Variants in ADK observed in about 807,000 individuals in gnomAD.
ADK encodes the protein adenosine kinase.
A neutral mutation model predicts 44.7 loss-of-function variants in ADK; 24 were observed. The observed-to-expected ratio is 0.54, with a 90% CI of 0.39 to 0.76. The LOEUF is 0.76. Ranked by LOEUF, ADK falls within the 30% of genes least tolerant of loss-of-function variation. The pLI is 0.00. For missense variants in ADK, 321 were observed against 425.1 expected (o/e 0.76, Z 2.15); for synonymous variants, 128 against 142.6 (o/e 0.90, Z 0.73).
At chr10:74,604,181 T>C (rs1852237279) in intron 9 of ADK, among the ~76,000 whole-genome samples, 1 of 152,218 alleles carries the variant, frequency 6.6e-6, no homozygotes. Context: ...TTGCAAAAAT[T>C]TTCTCCCATT....
intron 10 of ADK, among the ~76,000 whole-genome samples, chr10:74,690,527 C>G (rs1230941505): frequency 6.6e-6 from 1 of 152,210 alleles, no homozygotes. Context: ...ATACAAGATC[C>G]TTGACGATAT....
chr10:74,387,504 T>C (rs895087472), intron 4 of ADK, among the ~76,000 whole-genome samples: 1 of 152,216 alleles, frequency 6.6e-6, no homozygotes, highest in Admixed American at 6.5e-5. Context: ...ATTTCTAACA[T>C]AGGAAAGGAG....
chr10:74,197,263 A>G (rs1044691911), intron 1 of ADK, among the ~76,000 whole-genome samples: 1 of 152,188 alleles, frequency 6.6e-6, no homozygotes, highest in East Asian at 1.9e-4. Context: ...TGACAGACAC[A>G]CAATTCCAGT....
At chr10:74,634,300 C>T (rs1355832401) in intron 9 of ADK, among the ~76,000 whole-genome samples, 8 of 152,028 alleles carry the variant, frequency 5.3e-5, no homozygotes, top group South Asian at 2.1e-4. Flanking sequence ...CTACAAGCTC[C>T]GCCTCCCCAG....
intron 4 of ADK, among the ~76,000 whole-genome samples, chr10:74,338,558 A>T (rs1385170063): frequency 6.6e-6 from 1 of 152,234 alleles, no homozygotes; most frequent in Non-Finnish European, 1.5e-5. Flanking sequence ...ACTGTGATAT[A>T]TCTATCGAAT....
intron 10 of ADK, among the ~76,000 whole-genome samples, chr10:74,706,773 A>G (rs973901530): frequency 6.6e-6 from 1 of 152,208 alleles, no homozygotes; most frequent in African/African-American, 2.4e-5. Flanking sequence ...GTCAGTTTCT[A>G]TAAGAAAAAT....
intron 6 of ADK, among the ~76,000 whole-genome samples, chr10:74,408,642 G>A (rs762347657): frequency 1.6e-4 from 24 of 152,096 alleles, no homozygotes; most frequent in South Asian, 6.2e-4. Flanking sequence ...TAGTTAATTG[G>A]AAGCCTTACT....
intron 4 of ADK, among the ~76,000 whole-genome samples, chr10:74,342,477 G>A (rs1477228586): frequency 6.6e-6 from 1 of 151,960 alleles, no homozygotes; most frequent in African/African-American, 2.4e-5. Context: ...TGTGGTTTTT[G>A]TTGTTTTGTT....
chr10:74,431,103 T>C (rs1844979096), intron 6 of ADK, among the ~76,000 whole-genome samples: 1 of 140,538 alleles, frequency 7.1e-6, no homozygotes, highest in Non-Finnish European at 1.5e-5. Context: ...AGGCTGCCCA[T>C]GTGAGAGATG....
intron 7 of ADK, among the ~76,000 whole-genome samples, chr10:74,566,655 A>G (rs930671325): frequency 6.6e-6 from 1 of 152,234 alleles, no homozygotes; most frequent in Non-Finnish European, 1.5e-5. Flanking sequence ...GAACTTCAAC[A>G]TGATTATTAA....
intron 6 of ADK, among the ~76,000 whole-genome samples, chr10:74,463,163 T>C (rs1229690945): frequency 6.6e-6 from 1 of 152,164 alleles, no homozygotes; most frequent in Non-Finnish European, 1.5e-5. Context: ...CCCAACCTTT[T>C]TGGCACCAAG....
intron 4 of ADK, among the ~76,000 whole-genome samples, chr10:74,370,816 C>T (rs1354143619): frequency 6.6e-6 from 1 of 151,980 alleles, no homozygotes; most frequent in African/African-American, 2.4e-5. Flanking sequence ...TCAAGTGATC[C>T]TTCTGCCTTG....
intron 7 of ADK, among the ~76,000 whole-genome samples, chr10:74,550,119 G>GA: frequency 6.8e-6 from 1 of 147,584 alleles, no homozygotes; most frequent in Non-Finnish European, 1.5e-5. Flanking sequence ...CGCCCAGGCT[G>GA]CAGTGCAGTG....
At chr10:74,483,498 A>C (rs964857410) in intron 6 of ADK, among the ~76,000 whole-genome samples, 2 of 152,160 alleles carry the variant, frequency 1.3e-5, no homozygotes, top group African/African-American at 4.8e-5. Context: ...TACTTATGCA[A>C]ATTTCTACAG....
intron 6 of ADK, among the ~76,000 whole-genome samples, chr10:74,484,139 T>G (rs1205729491): frequency 6.6e-6 from 1 of 152,192 alleles, no homozygotes; most frequent in Non-Finnish European, 1.5e-5. Context: ...GAAAAGAGGT[T>G]TAATTGGCTC....
intron 8 of ADK, among the ~76,000 whole-genome samples, chr10:74,597,239 A>G (rs1851955903): frequency 6.6e-6 from 1 of 152,216 alleles, no homozygotes; most frequent in African/African-American, 2.4e-5. Context: ...TCATCCTCAC[A>G]ATTTTTAACT....
chr10:74,696,432 C>G (rs1436019053), intron 10 of ADK, among the ~76,000 whole-genome samples: 1 of 151,660 alleles, frequency 6.6e-6, no homozygotes, highest in Non-Finnish European at 1.5e-5. Context: ...GTGGCCCGAT[C>G]TCGGCTCACT....
At chr10:74,225,133 G>A (rs111566917) in intron 3 of ADK, among the ~76,000 whole-genome samples, 10 of 152,258 alleles carry the variant, frequency 6.6e-5, no homozygotes, top group African/African-American at 2.2e-4. Context: ...TGCCCAGGCT[G>A]GAGGCGCAAT....
chr10:74,515,934 G>A (rs868506882), intron 6 of ADK, among the ~76,000 whole-genome samples: 3 of 152,140 alleles, frequency 2.0e-5, no homozygotes, highest in South Asian at 4.1e-4. Flanking sequence ...TTTGGAGTTG[G>A]CATAATGAAG....
Sources: gnomAD v4.1 joint callset for allele counts (sites outside exome capture counted in the v4.1 genomes callset) on GRCh38, gnomAD v4.1.1 for gene constraint, MANE v1.5 for transcripts, NCBI Gene and HGNC (gene_info 2026-07-23, HGNC 2026-07-21) for gene names.